PALM2AKAP2: variants seen among roughly 807,000 people sequenced by gnomAD.
PALM2AKAP2 encodes the protein PALM2-AKAP2 fusion protein.
PALM2AKAP2 carries 37 observed loss-of-function variants against 71.5 expected under a neutral mutation model. The ratio of observed to expected loss-of-function variants is 0.52; its 90% CI spans 0.40 to 0.68. The LOEUF (loss-of-function observed/expected upper bound fraction) is 0.68. Among genes scored for constraint, PALM2AKAP2 ranks in the 30% least tolerant of loss-of-function variants. The probability of loss-of-function intolerance (pLI) is 0.00; values close to 1 mark genes in which losing one functional copy is unlikely to be tolerated. For missense variants in PALM2AKAP2, 1,224 were observed against 1,191.8 expected (o/e 1.03, Z -0.40); for synonymous variants, 468 against 478.8 (o/e 0.98, Z 0.29).
At chr9:110,010,490 G>A (rs1832860801) in intron 6 of PALM2AKAP2, among the ~76,000 whole-genome samples, 1 of 146,656 alleles carries the variant, frequency 6.8e-6, no homozygotes, top group African/African-American at 2.5e-5. Context: ...TATATGTATA[G>A]AATAGTTAAT....
chr9:109,977,239 T>C (rs995555837), intron 6 of PALM2AKAP2, among the ~76,000 whole-genome samples: 3 of 152,220 alleles, frequency 2.0e-5, no homozygotes, highest in South Asian at 2.1e-4. Context: ...CAGGAGGTAG[T>C]TGAAAGAACA....
At chr9:109,858,239 A>G (rs1173067349) in intron 1 of PALM2AKAP2, among the ~76,000 whole-genome samples, 1 of 152,164 alleles carries the variant, frequency 6.6e-6, no homozygotes, top group African/African-American at 2.4e-5. Flanking sequence ...TAAAATGGGG[A>G]TAATGATAGT....
chr9:109,659,159 G>A (rs940237259), intron 1 of PALM2AKAP2, among the ~76,000 whole-genome samples: 21 of 152,118 alleles, frequency 1.4e-4, no homozygotes, highest in Admixed American at 4.6e-4. Context: ...TGTGTGTGAA[G>A]GAGGGATTGC....
rs376069010 is a variant in PALM2AKAP2, at chr9:110,070,969, C to T, written c.156+22114C>T. On this transcript the variant is annotated intron_variant, in intron 1 of 3. Coordinates refer to ENST00000374525, the Ensembl canonical transcript of PALM2AKAP2. ...TTGAAGTCAGGAGTTCAAGACCAGC[C>T]TGGCCAACGTGGTGAAACCCCGCCT... Among the ~76,000 whole-genome samples the T allele has an allele frequency of 4.0e-3, 614 of 152,000 alleles. 5 individuals are homozygous for T. The highest frequency in any genetic ancestry group is 0.014 in the African/African-American group (592 of 41,444).
intron 1 of PALM2AKAP2, among the ~76,000 whole-genome samples, chr9:109,699,977 T>G (rs1403327706): frequency 6.6e-6 from 1 of 152,188 alleles, no homozygotes; most frequent in African/African-American, 2.4e-5. Flanking sequence ...AGTTTCACCA[T>G]GTTGGCCAGG....
intron 1 of PALM2AKAP2, among the ~76,000 whole-genome samples, chr9:109,720,654 G>T (rs374062725): frequency 6.6e-6 from 1 of 152,186 alleles, no homozygotes. Flanking sequence ...TTCATTTACA[G>T]CTACTTACAC....
chr9:109,948,937 GTTC>G (rs1466401820), intron 6 of PALM2AKAP2, among the ~76,000 whole-genome samples: 1 of 152,058 alleles, frequency 6.6e-6, no homozygotes, highest in Admixed American at 6.5e-5. Context: ...CACTGTTTAT[GTTC>G]TTCTTTTCTG....
chr9:109,967,224 C>T (rs980391661), intron 6 of PALM2AKAP2, among the ~76,000 whole-genome samples: 1 of 152,096 alleles, frequency 6.6e-6, no homozygotes, highest in Non-Finnish European at 1.5e-5. Context: ...CAGGGCATCT[C>T]CATGTGGCAA....
intron 1 of PALM2AKAP2, among the ~76,000 whole-genome samples, chr9:110,064,469 C>T (rs772412572): frequency 1.1e-4 from 16 of 152,174 alleles, no homozygotes; most frequent in South Asian, 2.1e-4. Flanking sequence ...AGTCCAGGAA[C>T]GATGGCTCAC....
chr9:110,171,830 T>C (rs1051482259), exon 4 of PALM2AKAP2: 8 of 152,662 alleles, frequency 5.2e-5, no homozygotes, highest in African/African-American at 1.9e-4. Context: ...GCCGTGTTTA[T>C]AGGTGTTCAC....
At chr9:109,862,171 T>C (rs1291841973) in intron 1 of PALM2AKAP2, among the ~76,000 whole-genome samples, 1 of 152,130 alleles carries the variant, frequency 6.6e-6, no homozygotes, top group Non-Finnish European at 1.5e-5. Flanking sequence ...GAGGGAGTGA[T>C]GCAATCTATT....
At chr9:109,717,120 A>G (rs79770511) in intron 1 of PALM2AKAP2, among the ~76,000 whole-genome samples, 6,385 of 152,144 alleles carry the variant, frequency 0.042, 186 homozygotes, top group Non-Finnish European at 0.053. Context: ...AAGTGTCATA[A>G]CTCTTGACCC....
chr9:109,886,767 C>T (rs867515729), intron 3 of PALM2AKAP2, among the ~76,000 whole-genome samples: 1 of 152,088 alleles, frequency 6.6e-6, no homozygotes, highest in Non-Finnish European at 1.5e-5. Context: ...GTACCTGTTC[C>T]GAGAAATGTT....
At chr9:109,814,277 G>A (rs1237300244) in intron 1 of PALM2AKAP2, among the ~76,000 whole-genome samples, 2 of 152,156 alleles carry the variant, frequency 1.3e-5, no homozygotes, top group Non-Finnish European at 2.9e-5. Flanking sequence ...GTAGATACAT[G>A]GAAATGGAAA....
At chr9:110,098,276 A>G (rs145445389) in intron 1 of PALM2AKAP2, among the ~76,000 whole-genome samples, 1 of 152,234 alleles carries the variant, frequency 6.6e-6, no homozygotes, top group Non-Finnish European at 1.5e-5. Context: ...ATGGGATAAT[A>G]ATAGTACCAG....
intron 7 of PALM2AKAP2, among the ~76,000 whole-genome samples, chr9:110,036,905 C>T (rs1248200249): frequency 6.6e-6 from 1 of 152,140 alleles, no homozygotes; most frequent in Non-Finnish European, 1.5e-5. Flanking sequence ...CAAATATCAC[C>T]TCAGTAAAGA....
At chr9:110,010,859 G>A (rs1028058475) in intron 6 of PALM2AKAP2, among the ~76,000 whole-genome samples, 1 of 148,118 alleles carries the variant, frequency 6.8e-6, no homozygotes, top group Non-Finnish European at 1.5e-5. Context: ...AGCCGGGCAT[G>A]GTGGTACATG....
chr9:109,786,678 G>T (rs547662540), intron 1 of PALM2AKAP2, among the ~76,000 whole-genome samples: 2 of 152,090 alleles, frequency 1.3e-5, no homozygotes, highest in Non-Finnish European at 2.9e-5. Context: ...ATGCATAAGG[G>T]TCACACACCT....
chr9:109,940,750 G>T (rs1446885640), intron 6 of PALM2AKAP2, among the ~76,000 whole-genome samples: 1 of 152,150 alleles, frequency 6.6e-6, no homozygotes. Context: ...ATAGTGAGAA[G>T]TCGTTATGGC....
Sources: gnomAD v4.1 joint callset for allele counts (sites outside exome capture counted in the v4.1 genomes callset) on GRCh38, gnomAD v4.1.1 for gene constraint, MANE v1.5 for transcripts, NCBI Gene and HGNC (gene_info 2026-07-23, HGNC 2026-07-21) for gene names.